The following ADAMTS12 variants were observed in gnomAD, a reference collection of about 807,000 sequenced individuals.
ADAMTS12 encodes ADAM metallopeptidase with thrombospondin type 1 motif 12, also known as A disintegrin and metalloproteinase with thrombospondin motifs 12.
In ADAMTS12, 118 loss-of-function variants were observed where a neutral mutation model predicts 167.8. The ratio of observed to expected loss-of-function variants is 0.70; its 90% confidence interval spans 0.61 to 0.82. The LOEUF is 0.82. ADAMTS12 is among the 40% of genes least tolerant of loss of function. The probability of loss-of-function intolerance (pLI) is 0.00; values close to 1 mark genes in which losing one functional copy is unlikely to be tolerated. For missense variants in ADAMTS12, 1,916 were observed against 1,998.8 expected, an observed-to-expected ratio of 0.96 and a Z score of 0.79; for synonymous variants, 704 against 716.9, an observed-to-expected ratio of 0.98 and a Z score of 0.29.
intron 12 of ADAMTS12, among the ~76,000 whole-genome samples, chr5:33,637,135 CAT>C (rs1250479044): frequency 6.6e-6 from 1 of 152,190 alleles, no homozygotes; most frequent in Non-Finnish European, 1.5e-5. Flanking sequence ...CTCATGAAAG[CAT>C]AAGTAGTCTT....
At chr5:33,560,526 G>T (rs1745689473) in intron 20 of ADAMTS12, among the ~76,000 whole-genome samples, 1 of 152,084 alleles carries the variant, frequency 6.6e-6, no homozygotes, top group South Asian at 2.1e-4. Context: ...CAACCCAAAT[G>T]TCCAGCAATG....
intron 17 of ADAMTS12, among the ~76,000 whole-genome samples, chr5:33,595,047 A>G (rs75627128): frequency 0.011 from 1,641 of 152,244 alleles, 30 homozygotes; most frequent in African/African-American, 0.038. Flanking sequence ...CAGAGAATGA[A>G]GACTCTTTCT....
intron 16 of ADAMTS12, among the ~76,000 whole-genome samples, chr5:33,611,973 T>A (rs188431166): frequency 6.6e-6 from 1 of 152,356 alleles, no homozygotes; most frequent in Non-Finnish European, 1.5e-5. Context: ...TGTGTTTAAC[T>A]TACTTTTACA....
intron 1 of ADAMTS12, among the ~76,000 whole-genome samples, chr5:33,890,461 A>G (rs982305822): frequency 6.6e-6 from 1 of 152,198 alleles, no homozygotes; most frequent in African/African-American, 2.4e-5. Context: ...TGCTTCTGAT[A>G]CGTCTTGAAG....
intron 2 of ADAMTS12, among the ~76,000 whole-genome samples, chr5:33,833,919 T>C (rs1748409255): frequency 1.3e-5 from 2 of 152,226 alleles, no homozygotes; most frequent in Non-Finnish European, 2.9e-5. Context: ...AGCACTGTCA[T>C]AGGAAGGTAC....
At chr5:33,702,102 C>T (rs1345308848) in intron 3 of ADAMTS12, among the ~76,000 whole-genome samples, 2 of 152,144 alleles carry the variant, frequency 1.3e-5, no homozygotes, top group Non-Finnish European at 2.9e-5. Context: ...GTTACTAACA[C>T]AGCACTAAAT....
chr5:33,637,857 A>G, intron 11 of ADAMTS12, 111 bp from the exon 12 acceptor site: 3 of 1,129,728 alleles, frequency 2.7e-6, no homozygotes, highest in Non-Finnish European at 3.7e-6. Flanking sequence ...TATGCCCTCA[A>G]AACTTACCTT....
rs1161544649 is a variant in ADAMTS12, at chr5:33,576,982, T to A, written c.3044A>T (p.Asn1015Ile). 1.2e-6 allele frequency: 2 copies of A among 1,614,140 alleles called. No individual in the cohort carries two copies. Among genetic ancestry groups the A allele is most frequent in the Non-Finnish European group, 1.7e-6 (2 of 1,180,016 alleles). Residue 1015 changes from asparagine to isoleucine, a missense_variant, in exon 19 of 24, where the codon AAC (asparagine) becomes ATC (isoleucine). Asn to Ile is a moderately radical substitution (Grantham distance 149). Transcript: ENST00000504830. ...PNKGTISNGK[N>I]PPTLKPVPPP... ...AGGGACGGGCTTTAGTGTTGGTGGG[T>A]TTTTTCCATTGGAAATAGTGCCTTT...
rs539350115 is a variant in ADAMTS12, at chr5:33,758,623, G to A, written c.490-7075C>T. 2.6e-5 allele frequency among the ~76,000 whole-genome samples: 4 copies of A among 152,278 alleles called. No individual in the cohort carries two copies. The East Asian group carries it at 5.8e-4, about 22-fold the overall frequency. On this transcript the variant is annotated intron_variant, in intron 2 of 23. Transcript: ENST00000504830. ...GTCAGTGTCACTAAAATTCTGAGCA[G>A]AAGGAGGAAGGTGTGAACCAATGGA...
intron 22 of ADAMTS12, among the ~76,000 whole-genome samples, chr5:33,545,840 A>G (rs1208343972): frequency 2.8e-5 from 4 of 142,744 alleles, no homozygotes; most frequent in Non-Finnish European, 6.0e-5. Context: ...GGCAGGTAAC[A>G]TCACACACTG....
chr5:33,624,327 C>T lies in ADAMTS12; in HGVS notation c.2047G>A (p.Asp683Asn), dbSNP rs369766198. ...CKMVGCDYEI[D>N]SNATEDRCGV... The stretch of plus-strand genomic sequence containing the variant: ...CAGCGATCCTCGGTGGCATTGGAAT[C>T]GATCTCATAGTCACAGCCAACCATC... Residue 683 changes from aspartate to asparagine, a missense_variant, in exon 14 of 24, where the codon GAT becomes AAT. By Grantham distance (23) the Asp-to-Asn change is conservative. Transcript: ENST00000504830. 50 of 1,613,932 alleles carry T rather than the reference C, an allele frequency of 3.1e-5. No homozygotes were observed. In the Middle Eastern group the frequency reaches 6.6e-4, roughly 21 times the overall value.
intron 22 of ADAMTS12, among the ~76,000 whole-genome samples, chr5:33,540,134 A>G (rs1744617537): frequency 6.6e-6 from 1 of 152,268 alleles, no homozygotes; most frequent in Non-Finnish European, 1.5e-5. Flanking sequence ...GGTCTTAGCA[A>G]CTGGCAGACA....
At chr5:33,843,612 G>A (rs1352379948) in intron 2 of ADAMTS12, among the ~76,000 whole-genome samples, 1 of 152,192 alleles carries the variant, frequency 6.6e-6, no homozygotes, top group Non-Finnish European at 1.5e-5. Flanking sequence ...ATATAAAAGG[G>A]AGAAAACCAG....
intron 16 of ADAMTS12, among the ~76,000 whole-genome samples, chr5:33,601,655 AACATTG>A (rs1738194898): frequency 6.6e-6 from 1 of 152,218 alleles, no homozygotes; most frequent in African/African-American, 2.4e-5. Context: ...AGCTCAAAAG[AACATTG>A]ACATTGACTT....
At chr5:33,694,517 AC>A (rs1389389438) in intron 3 of ADAMTS12, among the ~76,000 whole-genome samples, 1 of 152,222 alleles carries the variant, frequency 6.6e-6, no homozygotes, top group East Asian at 1.9e-4. Context: ...CTATGAAGGT[AC>A]CTGACTGGTA....
At chr5:33,614,030 A>G (rs900022849) in intron 16 of ADAMTS12, among the ~76,000 whole-genome samples, 5 of 152,216 alleles carry the variant, frequency 3.3e-5, no homozygotes, top group Non-Finnish European at 7.4e-5. Context: ...TATCAGCTCT[A>G]TAAAAGGCCA....
At chr5:33,715,904 G>A (rs1465184656) in intron 3 of ADAMTS12, among the ~76,000 whole-genome samples, 1 of 152,110 alleles carries the variant, frequency 6.6e-6, no homozygotes, top group African/African-American at 2.4e-5. Flanking sequence ...ACTCTCTCTA[G>A]GCTGGGGACT....
At chr5:33,534,166 C>T (rs1041223393) in intron 23 of ADAMTS12, among the ~76,000 whole-genome samples, 5 of 152,126 alleles carry the variant, frequency 3.3e-5, no homozygotes, top group Admixed American at 3.3e-4. Context: ...AGCCCTTGGC[C>T]AATGGCTGAA....
chr5:33,764,069 C>T (rs1330582496), intron 2 of ADAMTS12, among the ~76,000 whole-genome samples: 1 of 152,172 alleles, frequency 6.6e-6, no homozygotes, highest in Non-Finnish European at 1.5e-5. Context: ...TCTATAAAAC[C>T]AGATAATCCT....
Sources: allele counts gnomAD v4.1 joint callset (sites outside exome capture counted in the v4.1 genomes callset), GRCh38; gene constraint gnomAD v4.1.1; transcripts MANE v1.5; gene names NCBI Gene and HGNC (gene_info 2026-07-23, HGNC 2026-07-21).